The following WDR49 variants were observed in gnomAD, a reference collection of about 807,000 sequenced individuals.
WDR49 encodes the protein cilia- and flagella-associated protein 337.
A neutral mutation model predicts 119.5 loss-of-function variants in WDR49; 107 were observed. That is an observed-to-expected ratio of 0.90 (90% confidence interval 0.77 to 1.05). The LOEUF (loss-of-function observed/expected upper bound fraction) is 1.05. Ranked by LOEUF, WDR49 falls within the 50% of genes least tolerant of loss-of-function variation. The pLI is 0.00. For synonymous variants in WDR49, 425 were observed against 418.8 expected, an observed-to-expected ratio of 1.01 and a Z score of -0.18; for missense variants, 1,240 against 1,220.5, an observed-to-expected ratio of 1.02 and a Z score of -0.24.
chr3:167,594,889 A>G (rs1715329695), intron 7 of WDR49, among the ~76,000 whole-genome samples: 1 of 150,178 alleles, frequency 6.7e-6, no homozygotes, highest in Admixed American at 6.7e-5. Context: ...AGGAGAAGGA[A>G]ATAAAGGGTA....
intron 7 of WDR49, among the ~76,000 whole-genome samples, chr3:167,596,793 C>T (rs1301345317): frequency 6.0e-5 from 9 of 150,652 alleles, no homozygotes; most frequent in Non-Finnish European, 7.4e-5. Flanking sequence ...GTGGGTGCAG[C>T]GCACCAGCAT....
chr3:167,625,482 A>C (rs1033890778), intron 3 of WDR49, among the ~76,000 whole-genome samples: 3 of 152,104 alleles, frequency 2.0e-5, no homozygotes, highest in African/African-American at 7.2e-5. Context: ...ACAAAAGTGA[A>C]AAATTAGGCA....
chr3:167,609,151 C>G (rs1220909818), intron 5 of WDR49, among the ~76,000 whole-genome samples: 1 of 152,090 alleles, frequency 6.6e-6, no homozygotes, highest in East Asian at 1.9e-4. Flanking sequence ...AAGAAGTCTC[C>G]ACCAATTCTC....
chr3:167,481,065 G>GAAAA (rs759214788), intron 18 of WDR49, among the ~76,000 whole-genome samples: 1 of 76,126 alleles, frequency 1.3e-5, no homozygotes, highest in African/African-American at 8.4e-5. Context: ...CATATTTCAA[G>GAAAA]CAAAAAAAAA....
chr3:167,579,580 A>T (rs2108286982), intron 7 of WDR49, among the ~76,000 whole-genome samples: 1 of 152,252 alleles, frequency 6.6e-6, no homozygotes, highest in Admixed American at 6.5e-5. Context: ...TGACCCTAAG[A>T]ATGTATATTC....
intron 13 of WDR49, among the ~76,000 whole-genome samples, chr3:167,530,394 GA>G (rs141868509): frequency 0.011 from 1,709 of 152,104 alleles, 31 homozygotes; most frequent in African/African-American, 0.039. Flanking sequence ...CTCCAAGGCA[GA>G]TTTTCATTTT....
chr3:167,605,593 T>A (rs1000578721), intron 5 of WDR49, among the ~76,000 whole-genome samples: 8 of 152,156 alleles, frequency 5.3e-5, no homozygotes, highest in Non-Finnish European at 1.0e-4. Flanking sequence ...CATAAAGTGA[T>A]AAATTGAATG....
chr3:167,527,507 C>A (rs751706642), intron 15 of WDR49, among the ~76,000 whole-genome samples: 2 of 151,918 alleles, frequency 1.3e-5, no homozygotes, highest in South Asian at 2.1e-4. Flanking sequence ...ATTTTATCCA[C>A]GTTGAACTTT....
chr3:167,564,146 G>C (rs187008991), intron 8 of WDR49, among the ~76,000 whole-genome samples: 8 of 152,270 alleles, frequency 5.3e-5, no homozygotes, highest in Admixed American at 3.3e-4. Flanking sequence ...ATCAGTTTTT[G>C]TCACCTTTCT....
chr3:167,565,279 A>C (rs914482994), intron 8 of WDR49, among the ~76,000 whole-genome samples: 4 of 152,018 alleles, frequency 2.6e-5, no homozygotes, highest in Non-Finnish European at 5.9e-5. Flanking sequence ...GCAAGGCCCT[A>C]GATCTAGACA....
chr3:167,610,569 C>G (rs1040212860), intron 5 of WDR49, among the ~76,000 whole-genome samples: 5 of 152,224 alleles, frequency 3.3e-5, no homozygotes, highest in African/African-American at 4.8e-5. Flanking sequence ...TAGTCCCTGA[C>G]TTGCAGATGG....
At chr3:167,613,585 T>C (rs1716448698) in intron 5 of WDR49, among the ~76,000 whole-genome samples, 1 of 152,186 alleles carries the variant, frequency 6.6e-6, no homozygotes. Flanking sequence ...TTAGTCCCTA[T>C]CAATTATAAA....
chr3:167,545,085 CAT>C (rs1466469412), intron 10 of WDR49, among the ~76,000 whole-genome samples: 15 of 151,808 alleles, frequency 9.9e-5, no homozygotes, highest in African/African-American at 1.7e-4. Context: ...GGCCAACAAA[CAT>C]ATGAAAAAAT....
chr3:167,482,407 C>T (rs954302058), intron 18 of WDR49, among the ~76,000 whole-genome samples: 4 of 151,864 alleles, frequency 2.6e-5, no homozygotes, highest in East Asian at 1.9e-4. Context: ...TGGTGACTCA[C>T]GCCTGTAATC....
intron 7 of WDR49, among the ~76,000 whole-genome samples, chr3:167,585,590 A>C (rs1288683653): frequency 6.6e-6 from 1 of 152,046 alleles, no homozygotes; most frequent in Admixed American, 6.6e-5. Flanking sequence ...GATCTTCAAG[A>C]GATACTGTTT....
intron 8 of WDR49, among the ~76,000 whole-genome samples, chr3:167,570,155 G>C (rs1376756752): frequency 6.6e-6 from 1 of 151,960 alleles, no homozygotes; most frequent in African/African-American, 2.4e-5. Context: ...GATGTCACTT[G>C]GTGCCCAGCA....
intron 10 of WDR49, among the ~76,000 whole-genome samples, chr3:167,546,435 A>G (rs1712205843): frequency 6.6e-6 from 1 of 151,926 alleles, no homozygotes; most frequent in South Asian, 2.1e-4. Context: ...TTTTAAGTTT[A>G]TACTTTTGCC....
upstream of WDR49, among the ~76,000 whole-genome samples, chr3:167,654,519 C>T (rs987139442): frequency 2.0e-5 from 3 of 152,148 alleles, no homozygotes; most frequent in East Asian, 3.8e-4. Context: ...GTGCCAGGCA[C>T]TAAAACTTTA....
intron 8 of WDR49, among the ~76,000 whole-genome samples, chr3:167,566,669 C>T (rs2108275665): frequency 6.6e-6 from 1 of 152,236 alleles, no homozygotes. Context: ...CTTAAGTACT[C>T]ATATTCTACC....
Sources: allele counts gnomAD v4.1 joint callset (sites outside exome capture counted in the v4.1 genomes callset), GRCh38; gene constraint gnomAD v4.1.1; transcripts MANE v1.5; gene names NCBI Gene and HGNC (gene_info 2026-07-23, HGNC 2026-07-21).